The following IL16 variants were observed in gnomAD, a reference collection of about 807,000 sequenced individuals.
IL16 encodes the protein pro-interleukin-16.
A neutral mutation model predicts 110.1 loss-of-function variants in IL16; 67 were observed. The ratio of observed to expected loss-of-function variants is 0.61; its 90% CI spans 0.50 to 0.75. The LOEUF is 0.75. Among genes scored for constraint, IL16 ranks in the 30% least tolerant of loss-of-function variants. IL16 has a pLI of 0.00. For missense variants in IL16, 1,545 were observed against 1,655.0 expected (o/e 0.93, Z 1.15); for synonymous variants, 689 against 662.9 (o/e 1.04, Z -0.61).
chr15:81,225,699 ATTC>A lies in IL16; in HGVS notation c.304_306del (p.Phe102del). The stretch of plus-strand genomic sequence containing the variant: ...ATCGAGGCAAGACCTGTAGGAGGAT[ATTC>A]TTCATGAAGGTATGCCCAGGCTTTG... On this transcript the variant is annotated inframe_deletion, in exon 2 of 19. Coordinates refer to ENST00000683961, the MANE Select transcript of IL16 (RefSeq NM_172217.5). The A allele has an allele frequency of 1.2e-6, 2 of 1,606,758 alleles. No homozygotes were observed. Among genetic ancestry groups the A allele is most frequent in the Non-Finnish European group, 1.7e-6 (2 of 1,174,500 alleles).
At chr15:81,201,826 C>T (rs990725715) in intron 1 of IL16, among the ~76,000 whole-genome samples, 11 of 152,206 alleles carry the variant, frequency 7.2e-5, no homozygotes, top group Admixed American at 2.0e-4. Context: ...CACACACACG[C>T]GCACACACTG....
chr15:81,197,341 T>C (rs1209130082), intron 1 of IL16, among the ~76,000 whole-genome samples, 189 bp downstream of exon 1: 1 of 152,182 alleles, frequency 6.6e-6, no homozygotes, highest in Non-Finnish European at 1.5e-5. Flanking sequence ...TGTGTCACCA[T>C]GTCACAGTTA....
In IL16 at chr15:81,310,673, A is replaced by G. The variant is rs1207709476; in HGVS notation, c.*1875A>G. On this transcript the variant is annotated 3_prime_UTR_variant, in exon 19 of 19. Coordinates refer to ENST00000683961, the MANE Select transcript of IL16 (RefSeq NM_172217.5). ...CATTCCTTGCCTGCACAAACTCACC[A>G]TCTGTGCACGCAGTGGCCTTCCCTA... The G allele has an allele frequency of 6.6e-6, 1 of 152,214 alleles. No individual in the cohort carries two copies. The highest frequency in any genetic ancestry group is 1.5e-5 in the Non-Finnish European group (1 of 68,030). The allele number at this position is 152,214 out of a possible 1,614,324, so 9.4% of individuals were successfully genotyped here.
At chr15:81,244,918 GATTA>G (rs1897484286) in intron 2 of IL16, among the ~76,000 whole-genome samples, 1 of 152,032 alleles carries the variant, frequency 6.6e-6, no homozygotes, top group African/African-American at 2.4e-5. Context: ...TCCGTATTCT[GATTA>G]ATTGATTCTT....
rs773811931 is a variant in IL16, at chr15:81,313,318, GGAA to G, written c.*4525_*4527del. 6.0e-5 allele frequency: 94 copies of G among 1,578,624 alleles called. No individual in the cohort carries two copies. The highest frequency in any genetic ancestry group is 1.8e-5 in the Admixed American group (1 of 55,224). On this transcript the variant is annotated 3_prime_UTR_variant, in exon 19 of 19. Coordinates refer to ENST00000683961, the MANE Select transcript of IL16 (RefSeq NM_172217.5). ...GCATAAAACCGGGTCATGCTGCGGG[GGAA>G]GAAGGAGTCCACCACGTTCTGTGGG...
intron 1 of IL16, among the ~76,000 whole-genome samples, chr15:81,202,677 G>A (rs1205279592): frequency 6.6e-6 from 1 of 152,158 alleles, no homozygotes; most frequent in African/African-American, 2.4e-5. Context: ...TGGCTGCATA[G>A]TATTCCATGG....
At chr15:81,267,510 A>G (rs1898445235) in intron 4 of IL16, among the ~76,000 whole-genome samples, 1 of 148,892 alleles carries the variant, frequency 6.7e-6, no homozygotes, top group African/African-American at 2.6e-5. Context: ...ACACACAGAG[A>G]GAGCGAGAGA....
At chr15:81,293,126 C>T in intron 12 of IL16, 89 bp downstream of exon 12, 2 of 1,395,596 alleles carry the variant, frequency 1.4e-6, no homozygotes, top group Non-Finnish European at 1.9e-6. Flanking sequence ...GTTAGCAGGG[C>T]CAGAATGAAA....
At chr15:81,280,496 C>T (rs74030067) in intron 8 of IL16, among the ~76,000 whole-genome samples, 2,126 of 152,298 alleles carry the variant, frequency 0.014, 43 homozygotes, top group Middle Eastern at 0.054. Flanking sequence ...GCGAGTGACA[C>T]ATCAGCTTAT....
intron 2 of IL16, among the ~76,000 whole-genome samples, chr15:81,228,323 T>TC (rs1491140655): frequency 2.8e-4 from 2 of 7,146 alleles, no homozygotes; most frequent in African/African-American, 8.6e-4. Flanking sequence ...GTACAACACA[T>TC]TTTTTTTTTT....
upstream of IL16, chr15:81,196,854 C>T (rs953017127): frequency 2.3e-5 from 27 of 1,151,146 alleles, no homozygotes; most frequent in South Asian, 2.1e-4. Flanking sequence ...CAGGAGTCTT[C>T]GAGCAAATCC....
At chr15:81,237,533 C>T (rs1317881558) in intron 2 of IL16, among the ~76,000 whole-genome samples, 1 of 152,028 alleles carries the variant, frequency 6.6e-6, no homozygotes, top group African/African-American at 2.4e-5. Flanking sequence ...AATAAAGATG[C>T]CCTATACACC....
chr15:81,193,447 T>A (rs187645539), upstream of IL16, among the ~76,000 whole-genome samples: 177 of 152,234 alleles, frequency 1.2e-3, no homozygotes, highest in African/African-American at 4.0e-3. Flanking sequence ...TGGGAGTTGT[T>A]GGCATGTGCG....
chr15:81,251,246 A>G (rs1314577131), intron 2 of IL16, among the ~76,000 whole-genome samples: 1 of 152,104 alleles, frequency 6.6e-6, no homozygotes, highest in Non-Finnish European at 1.5e-5. Flanking sequence ...ACCTCACTGC[A>G]ATCTCAACCT....
At chr15:81,268,588 C>T (rs923591775) in intron 4 of IL16, among the ~76,000 whole-genome samples, 1 of 152,238 alleles carries the variant, frequency 6.6e-6, no homozygotes, top group African/African-American at 2.4e-5. Flanking sequence ...GCGGCATCTC[C>T]GATATCAGAG....
At position 81,187,298 on chromosome 15, in the gene IL16, T is replaced by G. The variant is rs903533819; in HGVS notation, c.40+4402T>G. Among the ~76,000 whole-genome samples, 9 of 152,240 alleles carry G rather than the reference T, an allele frequency of 5.9e-5. 1 individual carries two copies. Among genetic ancestry groups the G allele is most frequent in the Admixed American group, 5.9e-4 (9 of 15,284 alleles). ...TGTAAAGCACACCCCTAGCAAGGCA[T>G]AAAATGTTATCATCACTGGCTGGAT... On this transcript the variant is annotated intron_variant, in intron 1 of 18. Coordinates refer to the IL16 transcript ENST00000302987.
intron 2 of IL16, among the ~76,000 whole-genome samples, chr15:81,235,494 C>T (rs1251787219): frequency 2.0e-5 from 3 of 152,124 alleles, no homozygotes; most frequent in Admixed American, 6.5e-5. Context: ...GGAATCTGCC[C>T]CCAGTGACCC....
At chr15:81,192,904 G>A (rs1383728269), upstream of IL16, among the ~76,000 whole-genome samples, 1 of 152,154 alleles carries the variant, frequency 6.6e-6, no homozygotes, top group Admixed American at 6.5e-5. Flanking sequence ...TGATGTGGAA[G>A]GTTAGAGAGA....
intron 2 of IL16, among the ~76,000 whole-genome samples, chr15:81,257,654 G>A (rs1369616458): frequency 6.6e-6 from 1 of 152,156 alleles, no homozygotes; most frequent in African/African-American, 2.4e-5. Flanking sequence ...GGCACACAGC[G>A]AGAGGCAAGC....
Sources: allele counts gnomAD v4.1 joint callset (sites outside exome capture counted in the v4.1 genomes callset), GRCh38; gene constraint gnomAD v4.1.1; transcripts MANE v1.5; gene names NCBI Gene and HGNC (gene_info 2026-07-23, HGNC 2026-07-21).